Variants in TSPAN5 observed in about 807,000 individuals in gnomAD.
TSPAN5 encodes the protein tetraspanin-5.
A neutral mutation model predicts 37.1 loss-of-function variants in TSPAN5; 10 were observed. That is an observed-to-expected ratio of 0.27 (90% CI 0.17 to 0.46). The LOEUF (loss-of-function observed/expected upper bound fraction) is 0.46. Among genes scored for constraint, TSPAN5 ranks in the 20% least tolerant of loss-of-function variants. The probability of loss-of-function intolerance (pLI) is 1.00; values close to 1 mark genes in which losing one functional copy is unlikely to be tolerated. For synonymous variants in TSPAN5, 110 were observed against 118.9 expected (o/e 0.93, Z 0.48); for missense variants, 195 against 326.6 (o/e 0.60, Z 3.11).
At chr4:98,626,318 T>C (rs1436778592) in intron 1 of TSPAN5, among the ~76,000 whole-genome samples, 1 of 152,138 alleles carries the variant, frequency 6.6e-6, no homozygotes. Flanking sequence ...TATCATAACC[T>C]CCCATAATTG....
chr4:98,606,056 C>G (rs1756032604), intron 1 of TSPAN5, among the ~76,000 whole-genome samples: 1 of 152,178 alleles, frequency 6.6e-6, no homozygotes, highest in Non-Finnish European at 1.5e-5. Context: ...TTCTGCACAG[C>G]AGTAACAGCT....
intron 1 of TSPAN5, among the ~76,000 whole-genome samples, chr4:98,641,710 G>A (rs540720862): frequency 5.9e-5 from 9 of 152,054 alleles, no homozygotes; most frequent in African/African-American, 1.9e-4. Flanking sequence ...ACATATAAAC[G>A]GTAAGCAGAT....
At chr4:98,540,404 C>T (rs1454762392) in intron 1 of TSPAN5, among the ~76,000 whole-genome samples, 1 of 151,910 alleles carries the variant, frequency 6.6e-6, no homozygotes, top group Non-Finnish European at 1.5e-5. Context: ...GTGGCGCGAT[C>T]TCGGCTCACT....
chr4:98,516,517 C>T (rs562998533), intron 1 of TSPAN5, among the ~76,000 whole-genome samples: 27 of 152,310 alleles, frequency 1.8e-4, no homozygotes, highest in Admixed American at 4.6e-4. Flanking sequence ...TTTAAGTAAG[C>T]GCCTCTCATC....
intron 1 of TSPAN5, among the ~76,000 whole-genome samples, chr4:98,567,006 T>G (rs1478148333): frequency 6.6e-6 from 1 of 152,198 alleles, no homozygotes; most frequent in Non-Finnish European, 1.5e-5. Flanking sequence ...TTCAAGAGGG[T>G]GCAGGCTCCC....
intron 1 of TSPAN5, among the ~76,000 whole-genome samples, chr4:98,598,757 C>G (rs141455439): frequency 6.6e-6 from 1 of 152,228 alleles, no homozygotes; most frequent in African/African-American, 2.4e-5. Context: ...CATGAGCCAC[C>G]GTGCCTGGCC....
Position 98,566,651 on chromosome 4 carries a change from G to T in TSPAN5, c.82-58923C>A, listed in dbSNP as rs1045324428. 1.1e-4 allele frequency among the ~76,000 whole-genome samples: 16 copies of T among 152,292 alleles called. No individual in the cohort carries two copies. The East Asian group carries it at 3.1e-3, about 29-fold the overall frequency. On this transcript the variant is annotated intron_variant, in intron 1 of 7. Coordinates refer to ENST00000305798, the MANE Select transcript of TSPAN5 (RefSeq NM_005723.4). The stretch of plus-strand genomic sequence containing the variant: ...ACAAGCGGCAGGCTTGTTTTCTCCC[G>T]CCTGATGTTGTAAGAGGCTTTTACA...
At chr4:98,525,081 G>T (rs1040241702) in intron 1 of TSPAN5, among the ~76,000 whole-genome samples, 1 of 152,148 alleles carries the variant, frequency 6.6e-6, no homozygotes, top group African/African-American at 2.4e-5. Context: ...AAAAGGGAAA[G>T]AAACAGCTTT....
intron 1 of TSPAN5, among the ~76,000 whole-genome samples, chr4:98,628,379 C>A (rs1756655817): frequency 1.3e-5 from 2 of 152,188 alleles, no homozygotes; most frequent in Admixed American, 1.3e-4. Context: ...TTTAACATGA[C>A]AACAGGAGCA....
chr4:98,639,007 A>G (rs536548829), intron 1 of TSPAN5, among the ~76,000 whole-genome samples: 1 of 152,326 alleles, frequency 6.6e-6, no homozygotes, highest in South Asian at 2.1e-4. Context: ...AGAAAGAGAC[A>G]CTACTTCATC....
At chr4:98,508,958 T>C (rs567160498) in intron 1 of TSPAN5, among the ~76,000 whole-genome samples, 1 of 152,156 alleles carries the variant, frequency 6.6e-6, no homozygotes, top group Admixed American at 6.5e-5. Flanking sequence ...TTTTCCCCCT[T>C]GATATAGAAA....
intron 1 of TSPAN5, among the ~76,000 whole-genome samples, chr4:98,578,729 C>T (rs1755302670): frequency 6.6e-6 from 1 of 152,076 alleles, no homozygotes; most frequent in African/African-American, 2.4e-5. Context: ...CCTATTAGTA[C>T]TTATTATATG....
At chr4:98,611,720 C>T (rs72908141) in intron 1 of TSPAN5, among the ~76,000 whole-genome samples, 2,099 of 152,308 alleles carry the variant, frequency 0.014, 48 homozygotes, top group African/African-American at 0.046. Context: ...CAAGAATGTG[C>T]GACCCAGAAG....
intron 1 of TSPAN5, among the ~76,000 whole-genome samples, chr4:98,649,520 G>C (rs546659209): frequency 7.0e-4 from 106 of 152,296 alleles, no homozygotes; most frequent in African/African-American, 2.5e-3. Context: ...AGTGTTCGTT[G>C]GCTGCCAGGG....
At chr4:98,515,512 G>T (rs1260992935) in intron 1 of TSPAN5, among the ~76,000 whole-genome samples, 1 of 146,746 alleles carries the variant, frequency 6.8e-6, no homozygotes, top group Non-Finnish European at 1.5e-5. Context: ...GTGATCAGAG[G>T]CTCTCTCTCT....
At chr4:98,598,750 G>A (rs1485788638) in intron 1 of TSPAN5, among the ~76,000 whole-genome samples, 6 of 152,176 alleles carry the variant, frequency 3.9e-5, no homozygotes, top group Admixed American at 3.3e-4. Context: ...TTACAGGCAT[G>A]AGCCACCGTG....
chr4:98,589,256 C>T (rs1387534838), intron 1 of TSPAN5, among the ~76,000 whole-genome samples: 1 of 152,176 alleles, frequency 6.6e-6, no homozygotes, highest in Non-Finnish European at 1.5e-5. Context: ...CACTGGTCAG[C>T]AAATTGGCGC....
In TSPAN5 at chr4:98,486,677, A is replaced by G. The variant is rs559327766; in HGVS notation, c.279+61T>C. 3 of 1,594,426 alleles carry G rather than the reference A, an allele frequency of 1.9e-6. No homozygotes were observed. In the Admixed American group the frequency reaches 5.0e-5, roughly 27 times the overall value. On this transcript the variant is annotated intron_variant, in intron 3 of 7. Transcript: ENST00000305798. ...CACTGTCTTGCCTGTAGATAGGGTG[A>G]CCTCCTGATGGAAGGTAAAGTTTTG...
chr4:98,490,686 T>C (rs1194746587), intron 2 of TSPAN5, among the ~76,000 whole-genome samples: 1 of 152,216 alleles, frequency 6.6e-6, no homozygotes, highest in Non-Finnish European at 1.5e-5. Context: ...AAATCTTTTT[T>C]TTCCTGGGTG....
Sources: allele counts gnomAD v4.1 joint callset (sites outside exome capture counted in the v4.1 genomes callset), GRCh38; gene constraint gnomAD v4.1.1; transcripts MANE v1.5; gene names NCBI Gene and HGNC (gene_info 2026-07-23, HGNC 2026-07-21).